The following BCKDHB variants were observed in gnomAD, a reference collection of about 807,000 sequenced individuals.
The protein encoded by BCKDHB is branched chain keto acid dehydrogenase E1 subunit beta.
BCKDHB carries 41 observed loss-of-function variants against 48.5 expected under a neutral mutation model. That is an observed-to-expected ratio of 0.85 (90% CI 0.66 to 1.10). The LOEUF (loss-of-function observed/expected upper bound fraction) is 1.10. Among genes scored for constraint, BCKDHB ranks in the 50% least tolerant of loss-of-function variants. The probability of loss-of-function intolerance (pLI) is 0.00; values close to 1 mark genes in which losing one functional copy is unlikely to be tolerated. For synonymous variants in BCKDHB, 201 were observed against 174.8 expected (o/e 1.15, Z -1.18); for missense variants, 496 against 494.2 (o/e 1.00, Z -0.03).
chr6:80,279,158 G>GT (rs56989323), intron 9 of BCKDHB, among the ~76,000 whole-genome samples: 1,694 of 151,530 alleles, frequency 0.011, 33 homozygotes, highest in African/African-American at 0.039. Flanking sequence ...GTTTTGTTTT[G>GT]TTTTTTTGAG....
chr6:80,225,097 T>A (rs1562152367), intron 8 of BCKDHB, among the ~76,000 whole-genome samples: 2 of 152,348 alleles, frequency 1.3e-5, no homozygotes, highest in South Asian at 2.1e-4. Context: ...TCCTCTTATA[T>A]CTAGGTTAAG....
At chr6:80,444,212 A>G in the BCKDHB span, among the ~76,000 whole-genome samples, 93 of 152,068 alleles carry the variant, frequency 6.1e-4, no homozygotes, top group Non-Finnish European at 1.1e-3. Context: ...GCCAAGATTT[A>G]AAAACGGACT....
At chr6:80,196,679 G>A (rs1774144896) in intron 6 of BCKDHB, among the ~76,000 whole-genome samples, 1 of 151,994 alleles carries the variant, frequency 6.6e-6, no homozygotes, top group Admixed American at 6.6e-5. Context: ...TTCCAAAAAT[G>A]TGTTTAAGAT....
chr6:80,211,096 C>T (rs1360986195), intron 8 of BCKDHB, among the ~76,000 whole-genome samples: 2 of 152,190 alleles, frequency 1.3e-5, no homozygotes, highest in African/African-American at 2.4e-5. Context: ...TCTCAAGCAT[C>T]GTTGTCATTT....
At chr6:80,431,455 A>G in the BCKDHB span, among the ~76,000 whole-genome samples, 1 of 152,270 alleles carries the variant, frequency 6.6e-6, no homozygotes, top group Admixed American at 6.5e-5. Flanking sequence ...GTGGGAGTCT[A>G]AGTCTCTTTG....
intron 8 of BCKDHB, among the ~76,000 whole-genome samples, chr6:80,265,053 A>G (rs1322902531): frequency 6.6e-6 from 1 of 152,114 alleles, no homozygotes; most frequent in Non-Finnish European, 1.5e-5. Context: ...AAAACTACAG[A>G]AAATAAGTGT....
At chr6:80,280,665 G>C (rs1277111407) in intron 9 of BCKDHB, among the ~76,000 whole-genome samples, 1 of 152,140 alleles carries the variant, frequency 6.6e-6, no homozygotes, top group African/African-American at 2.4e-5. Context: ...ATATCATCTA[G>C]GTTTGTGAAA....
chr6:80,271,301 A>G (rs1392072249), intron 8 of BCKDHB, among the ~76,000 whole-genome samples: 2 of 152,050 alleles, frequency 1.3e-5, no homozygotes, highest in Non-Finnish European at 2.9e-5. Flanking sequence ...TACTATGTTG[A>G]TGCATATTGG....
At chr6:80,297,804 T>G (rs1421870928) in intron 9 of BCKDHB, among the ~76,000 whole-genome samples, 2 of 152,164 alleles carry the variant, frequency 1.3e-5, no homozygotes, top group Non-Finnish European at 2.9e-5. Flanking sequence ...AAAAGTATAT[T>G]TCCTACCTAG....
chr6:80,346,691 G>T (rs910491080), downstream of BCKDHB, among the ~76,000 whole-genome samples: 5 of 151,904 alleles, frequency 3.3e-5, no homozygotes, highest in Admixed American at 1.3e-4. Flanking sequence ...TTATTACTTG[G>T]ATAAAAAGAA....
chr6:80,210,048 C>T (rs1322580825), intron 8 of BCKDHB, among the ~76,000 whole-genome samples: 1 of 150,592 alleles, frequency 6.6e-6, no homozygotes. Flanking sequence ...ATTTGTACAA[C>T]CATTTTGGAA....
intron 8 of BCKDHB, among the ~76,000 whole-genome samples, chr6:80,217,817 C>T (rs996259185): frequency 6.6e-6 from 1 of 152,118 alleles, no homozygotes; most frequent in Non-Finnish European, 1.5e-5. Context: ...AGAAAAAGTG[C>T]GTGTAGCAAA....
At position 80,254,524 on chromosome 6, in the gene BCKDHB, C is replaced by T. The variant is rs185175834; in HGVS notation, c.952-18611C>T. Reference sequence around the variant, plus strand: ...CAGCCCAGGCAACATAGTGAGACCCCATCTCTACAAAAATAAAAATAAAAA... The same window carrying T: ...CAGCCCAGGCAACATAGTGAGACCCTATCTCTACAAAAATAAAAATAAAAA... On this transcript the variant is annotated intron_variant, in intron 8 of 9. Transcript: ENST00000320393. Among the ~76,000 whole-genome samples the T allele has an allele frequency of 5.3e-3, 803 of 151,990 alleles. 2 individuals are homozygous for T. Among genetic ancestry groups the T allele is most frequent in the African/African-American group, 0.018 (755 of 41,462 alleles).
chr6:80,148,237 T>C (rs1047682387), intron 3 of BCKDHB, among the ~76,000 whole-genome samples: 2 of 152,228 alleles, frequency 1.3e-5, no homozygotes, highest in Admixed American at 1.3e-4. Context: ...TTTCTGGCTT[T>C]CCACTCACCT....
chr6:80,109,355 T>C (rs1357050924), intron 1 of BCKDHB, among the ~76,000 whole-genome samples: 1 of 152,144 alleles, frequency 6.6e-6, no homozygotes, highest in East Asian at 1.9e-4. Flanking sequence ...TACCATTATG[T>C]TTTTGTTGTT....
chr6:80,112,853 T>G (rs2127708567), intron 1 of BCKDHB, among the ~76,000 whole-genome samples: 1 of 152,290 alleles, frequency 6.6e-6, no homozygotes, highest in South Asian at 2.1e-4. Flanking sequence ...CCTCCAGAGG[T>G]GATGGCGTAC....
intron 9 of BCKDHB, among the ~76,000 whole-genome samples, chr6:80,325,237 T>C (rs1469501928): frequency 1.3e-5 from 2 of 152,184 alleles, no homozygotes; most frequent in East Asian, 3.8e-4. Context: ...CTGTAGCACA[T>C]CTTACTGACT....
At chr6:80,182,940 T>C (rs1773481430) in intron 6 of BCKDHB, among the ~76,000 whole-genome samples, 1 of 152,210 alleles carries the variant, frequency 6.6e-6, no homozygotes, top group Admixed American at 6.5e-5. Flanking sequence ...CATAAAACCG[T>C]ATTCATTTTA....
rs150578092 is a variant in BCKDHB, at chr6:80,239,429, G to A, written c.952-33706G>A. 1.0e-2 allele frequency among the ~76,000 whole-genome samples: 1,517 copies of A among 152,076 alleles called. 23 individuals are homozygous for A. Among genetic ancestry groups the A allele is most frequent in the African/African-American group, 0.035 (1,436 of 41,484 alleles). On this transcript the variant is annotated intron_variant, in intron 8 of 9. Transcript: ENST00000320393. The stretch of plus-strand genomic sequence containing the variant: ...TGAGAAGTGTCTGTTCATATCCTTC[G>A]CCCACTTTTTGATGGGGTTGTTTGA...
Sources: gnomAD v4.1 joint callset for allele counts (sites outside exome capture counted in the v4.1 genomes callset) on GRCh38, gnomAD v4.1.1 for gene constraint, MANE v1.5 for transcripts, NCBI Gene and HGNC (gene_info 2026-07-23, HGNC 2026-07-21) for gene names.